The following AEBP2 variants were observed in gnomAD, a reference collection of about 807,000 sequenced individuals.
AEBP2 encodes zinc finger protein AEBP2.
A neutral mutation model predicts 50.8 loss-of-function variants in AEBP2; 10 were observed. That is an observed-to-expected ratio of 0.20 (90% CI 0.12 to 0.33). The LOEUF (loss-of-function observed/expected upper bound fraction) is 0.33, where lower values mean the gene tolerates loss of function less well. Among genes scored for constraint, AEBP2 ranks in the 10% least tolerant of loss-of-function variants. The pLI is 1.00. For missense variants in AEBP2, 570 were observed against 688.0 expected (o/e 0.83, Z 1.92); for synonymous variants, 296 against 261.3 (o/e 1.13, Z -1.28).
upstream of AEBP2, among the ~76,000 whole-genome samples, chr12:19,434,842 C>T (rs552661649): frequency 6.6e-6 from 1 of 152,292 alleles, no homozygotes; most frequent in African/African-American, 2.4e-5. Context: ...GGAAACTCTC[C>T]AGTGATGGGA....
At chr12:19,418,628 G>A (rs143580869) in intron 1 of AEBP2, among the ~76,000 whole-genome samples, 1 of 152,182 alleles carries the variant, frequency 6.6e-6, no homozygotes, top group East Asian at 1.9e-4. Context: ...ACTTTGAGTT[G>A]TCCTGCCTTT....
chr12:19,483,719 C>A (rs1948764538), intron 3 of AEBP2, among the ~76,000 whole-genome samples: 1 of 152,138 alleles, frequency 6.6e-6, no homozygotes, highest in Admixed American at 6.6e-5. Context: ...CATCGCTTTC[C>A]ATTGTGTAAT....
rs1407147950 is a variant in AEBP2 at position 19,432,996 on chromosome 12, A to G, written c.-17+28780A>G. Among the ~76,000 whole-genome samples, 3 of 152,292 alleles carry G rather than the reference A, an allele frequency of 2.0e-5. No individual in the cohort carries two copies. In the East Asian group the frequency reaches 5.8e-4, roughly 29 times the overall value. On this transcript the variant is annotated intron_variant, in intron 1 of 3. Coordinates refer to the AEBP2 transcript ENST00000538425. The stretch of plus-strand genomic sequence containing the variant: ...TTATGCAATAGTGTGTTATTGGGCA[A>G]CTTACAATTACCTATAGCATCACAC...
chr12:19,501,793 G>GTTTTTTTTT (rs1204632203), intron 5 of AEBP2, among the ~76,000 whole-genome samples: 4 of 35,178 alleles, frequency 1.1e-4, no homozygotes, highest in African/African-American at 2.8e-4. Context: ...ATAAAAATGA[G>GTTTTTTTTT]TTTGTTTTTT....
In AEBP2 at chr12:19,439,890, G is replaced by C. The variant is rs1316181819; in HGVS notation, c.191G>C (p.Gly64Ala). 2 of 1,487,544 alleles carry C rather than the reference G, an allele frequency of 1.3e-6. No homozygotes were observed. Among genetic ancestry groups the C allele is most frequent in the Admixed American group, 2.2e-5 (1 of 44,706 alleles). The allele number at this position is 1,487,544 out of a possible 1,614,324, so 92.1% of individuals were successfully genotyped here. ...GCGCTGCTGCTGAACGGCGGCAGCG[G>C]TGGGGGCGGCGGAGGCGGCGGCGGA... ...VAALLLNGGS[G>A]GGGGGGGGGV... The change falls in exon 1 of 8, where the codon GGT becomes GCT. Residue 64 changes from glycine (G) to alanine (A), a missense_variant. By Grantham distance (60) the Gly-to-Ala change is moderately conservative (BLOSUM62 0). Around this residue, in one of 2 missense-constraint regions of AEBP2, gnomAD observed 386 missense variants for 336.8 expected, o/e 1.15. Coordinates refer to ENST00000266508, the MANE Select transcript of AEBP2 (RefSeq NM_153207.5).
chr12:19,460,169 A>G (rs1214340279), intron 1 of AEBP2, among the ~76,000 whole-genome samples: 4 of 152,128 alleles, frequency 2.6e-5, no homozygotes. Flanking sequence ...TGATAGCACC[A>G]CCGCACTATA....
chr12:19,508,006 C>T (rs376340195), intron 5 of AEBP2, among the ~76,000 whole-genome samples: 40 of 152,188 alleles, frequency 2.6e-4, no homozygotes, highest in African/African-American at 9.4e-4. Context: ...TATTTTCTTT[C>T]GAGCCTTCTC....
At chr12:19,511,699 G>A (rs1949234218) in intron 5 of AEBP2, among the ~76,000 whole-genome samples, 1 of 152,128 alleles carries the variant, frequency 6.6e-6, no homozygotes, top group African/African-American at 2.4e-5. Flanking sequence ...CTAGATCTTA[G>A]TGTTGGAATA....
At chr12:19,457,618 C>CA (rs1948293950) in intron 1 of AEBP2, 1 of 1,467,010 alleles carries the variant, frequency 6.8e-7, no homozygotes, top group Admixed American at 2.2e-5. Context: ...CCAATGACGA[C>CA]AATGTGGATA....
At chr12:19,408,493 G>A (rs1038644724) in intron 1 of AEBP2, among the ~76,000 whole-genome samples, 1 of 151,056 alleles carries the variant, frequency 6.6e-6, no homozygotes. Context: ...AAGTTGCGGT[G>A]AGCCGAGATT....
At position 19,440,314 on chromosome 12, in the gene AEBP2, C is replaced by G; in HGVS notation, c.615C>G (p.Gly205=). 1 of 1,466,278 alleles carries G rather than the reference C, an allele frequency of 6.8e-7. No individual in the cohort carries two copies. The highest frequency in any genetic ancestry group is 9.0e-7 in the Non-Finnish European group (1 of 1,117,296). The allele number at this position is 1,466,278 out of a possible 1,614,324, so 90.8% of individuals were successfully genotyped here. A position where few individuals can be genotyped will look rare whatever the true frequency, so the allele number is the denominator to read the frequency against. ...GSSATSGGRR[G]SLEMSSDGEP... ...GCGCGACCTCCGGGGGCCGGCGGGG[C>G]AGCTTGGAGATGTCGTCGGATGGGG... Residue 205 remains glycine, a synonymous_variant, in exon 1 of 8, where the codon GGC becomes GGG. Coordinates refer to ENST00000266508, the MANE Select transcript of AEBP2 (RefSeq NM_153207.5).
chr12:19,498,305 G>C (rs2134138), intron 4 of AEBP2, among the ~76,000 whole-genome samples: 127,789 of 152,198 alleles, frequency 0.84, 53,830 homozygotes, highest in African/African-American at 0.89. Context: ...CTCACCCCTG[G>C]AAATGTCAAG....
Position 19,440,073 on chromosome 12 carries a change from T to C in AEBP2, c.374T>C (p.Leu125Pro). The C allele has an allele frequency of 6.6e-7, 1 of 1,512,046 alleles. No individual in the cohort carries two copies. Among genetic ancestry groups the C allele is most frequent in the Non-Finnish European group, 8.8e-7 (1 of 1,136,162 alleles). 93.7% of individuals were successfully genotyped at this position (1,512,046 alleles called of 1,614,324 possible). Reference sequence around the variant, plus strand: ...GAGGAGGAGAGTAGCGCCGAGAGCCTGGTGGGCAGCAGCGGCGGGAGCAGC... The same window carrying C: ...GAGGAGGAGAGTAGCGCCGAGAGCCCGGTGGGCAGCAGCGGCGGGAGCAGC... ...GGEEESSAES[L>P]VGSSGGSSSD... The change falls in exon 1 of 8, where the codon CTG becomes CCG. Residue 125 changes from leucine to proline, a missense_variant. Coordinates refer to ENST00000266508, the MANE Select transcript of AEBP2 (RefSeq NM_153207.5).
chr12:19,467,120 A>G (rs769298973), intron 2 of AEBP2, among the ~76,000 whole-genome samples: 14 of 152,274 alleles, frequency 9.2e-5, no homozygotes, highest in Admixed American at 2.0e-4. Flanking sequence ...TTAAACAGAG[A>G]TGAGGTCTCA....
chr12:19,424,675 C>T (rs1350264610), intron 1 of AEBP2, among the ~76,000 whole-genome samples: 7 of 151,764 alleles, frequency 4.6e-5, no homozygotes, highest in Non-Finnish European at 8.8e-5. Flanking sequence ...GGATTACAGG[C>T]GTGAGCCACC....
chr12:19,512,294 A>G, intron 5 of AEBP2, 104 bp from the exon 6 acceptor site: 1 of 659,740 alleles, frequency 1.5e-6, no homozygotes, highest in Non-Finnish European at 2.5e-6. Flanking sequence ...TGCTGGGATT[A>G]CAGGCATGAG....
chr12:19,494,205 T>G (rs755061505), intron 4 of AEBP2, among the ~76,000 whole-genome samples: 7 of 152,128 alleles, frequency 4.6e-5, no homozygotes, highest in Non-Finnish European at 1.0e-4. Context: ...AAAATTAGAT[T>G]TGGGGGCTAC....
intron 3 of AEBP2, among the ~76,000 whole-genome samples, chr12:19,479,668 T>G (rs1037757450): frequency 7.6e-5 from 11 of 144,234 alleles, no homozygotes; most frequent in Admixed American, 1.4e-4. Context: ...ATTGTTATTT[T>G]CCTGTTGGAC....
chr12:19,488,910 C>T lies in AEBP2; in HGVS notation c.988-4890C>T, dbSNP rs1162547769. Among the ~76,000 whole-genome samples, 10 of 152,276 alleles carry T rather than the reference C, an allele frequency of 6.6e-5. No homozygotes were observed. The East Asian group carries it at 1.9e-3, about 29-fold the overall frequency. ...GTTCAAGCTATTCTCCTGCTTCATC[C>T]TCCAAGTAGCTGGGATTACAGGCAT... On this transcript the variant is annotated intron_variant, in intron 3 of 7. Transcript: ENST00000266508.
Sources: allele counts gnomAD v4.1 joint callset (sites outside exome capture counted in the v4.1 genomes callset), GRCh38; gene constraint gnomAD v4.1.1; regional missense constraint gnomAD v4.1.1; transcripts MANE v1.5; gene names NCBI Gene and HGNC (gene_info 2026-07-23, HGNC 2026-07-21).